Variants in ASIC2 observed in about 807,000 individuals in gnomAD.
ASIC2 encodes acid sensing ion channel subunit 2.
Under a neutral mutation model 57.3 loss-of-function variants are expected in ASIC2, and 25 were observed. The observed-to-expected ratio is 0.44, with a 90% confidence interval of 0.32 to 0.61. The LOEUF is 0.61. Ranked by LOEUF, ASIC2 falls within the 20% of genes least tolerant of loss-of-function variation. The pLI, the probability that ASIC2 is intolerant of heterozygous loss-of-function variation, is 0.06. For synonymous variants in ASIC2, 319 were observed against 307.5 expected (o/e 1.04, Z -0.39); for missense variants, 641 against 738.1 (o/e 0.87, Z 1.52).
At chr17:34,026,526 C>A (rs1173740547) in intron 1 of ASIC2, among the ~76,000 whole-genome samples, 1 of 152,142 alleles carries the variant, frequency 6.6e-6, no homozygotes, top group Admixed American at 6.5e-5. Context: ...AAAAGGTTTC[C>A]AAAAACAATC....
chr17:33,824,252 G>A (rs1264740221), intron 1 of ASIC2, among the ~76,000 whole-genome samples: 1 of 152,128 alleles, frequency 6.6e-6, no homozygotes, highest in Admixed American at 6.5e-5. Flanking sequence ...TATTAAGATA[G>A]GTAACTCCGT....
At chr17:33,244,345 G>A (rs1007165198) in intron 1 of ASIC2, among the ~76,000 whole-genome samples, 1 of 149,394 alleles carries the variant, frequency 6.7e-6, no homozygotes, top group Non-Finnish European at 1.5e-5. Context: ...CAACCGGACT[G>A]GAAAATGAGG....
intron 1 of ASIC2, among the ~76,000 whole-genome samples, chr17:33,268,029 A>G (rs1309989138): frequency 6.6e-6 from 1 of 152,200 alleles, no homozygotes; most frequent in Non-Finnish European, 1.5e-5. Context: ...CATGTGACCC[A>G]AGATATATCG....
chr17:33,511,873 G>A (rs537458621), intron 1 of ASIC2, among the ~76,000 whole-genome samples: 1 of 152,268 alleles, frequency 6.6e-6, no homozygotes, highest in African/African-American at 2.4e-5. Context: ...CACTTGCCAC[G>A]AAACCCACAG....
intron 1 of ASIC2, among the ~76,000 whole-genome samples, chr17:33,876,431 T>C (rs1224535207): frequency 6.6e-6 from 1 of 152,200 alleles, no homozygotes; most frequent in Non-Finnish European, 1.5e-5. Flanking sequence ...TATCTACGAT[T>C]GAGCAAATGT....
In ASIC2 at chr17:33,255,309, G is replaced by A. The variant is rs148150384; in HGVS notation, c.708+36099C>T. Among the ~76,000 whole-genome samples, 40 of 151,986 alleles carry A rather than the reference G, an allele frequency of 2.6e-4. 1 individual carries two copies. The South Asian group carries it at 5.6e-3, about 21-fold the overall frequency. ...CTCACCTCGGCCTCCCAAAGTGCTG[G>A]GATTATAGGTGTGAGCCACCATGCC... On this transcript the variant is annotated intron_variant, in intron 1 of 9. Transcript: ENST00000225823.
intron 1 of ASIC2, among the ~76,000 whole-genome samples, chr17:33,429,523 T>C (rs1352538316): frequency 1.3e-5 from 2 of 152,066 alleles, no homozygotes; most frequent in Non-Finnish European, 2.9e-5. Context: ...CCCGAGTAGC[T>C]GGGACTACAG....
intron 1 of ASIC2, among the ~76,000 whole-genome samples, chr17:33,943,331 T>C (rs1237783520): frequency 1.3e-5 from 2 of 152,190 alleles, no homozygotes; most frequent in Non-Finnish European, 2.9e-5. Flanking sequence ...CCGCACTTCA[T>C]CTTTGAAAAC....
chr17:34,085,214 T>C (rs1235521237), intron 1 of ASIC2, among the ~76,000 whole-genome samples: 1 of 152,192 alleles, frequency 6.6e-6, no homozygotes, highest in Non-Finnish European at 1.5e-5. Flanking sequence ...ATATGTCCCA[T>C]CAATACCTAA....
intron 1 of ASIC2, among the ~76,000 whole-genome samples, chr17:33,773,501 CT>C (rs1186970068): frequency 6.6e-6 from 1 of 152,056 alleles, no homozygotes; most frequent in Non-Finnish European, 1.5e-5. Context: ...ACCAATCTCT[CT>C]TTTCATTATC....
chr17:34,105,106 C>A (rs1165994833), intron 1 of ASIC2, among the ~76,000 whole-genome samples: 1 of 151,948 alleles, frequency 6.6e-6, no homozygotes, highest in Non-Finnish European at 1.5e-5. Context: ...TTTAAAAATT[C>A]AATTTTTTTC....
rs1180610374 is a variant in ASIC2 at position 33,042,933 on chromosome 17, GT to G, written c.988-14542del. 8.2e-3 allele frequency among the ~76,000 whole-genome samples: 1,188 copies of G among 145,288 alleles called. 13 individuals are homozygous for G. The highest frequency in any genetic ancestry group is 0.027 in the African/African-American group (1,084 of 39,928). The stretch of plus-strand genomic sequence containing the variant: ...GCCGATTAAACATTATCCCTGTTTT[GT>G]TTTTTTTTTTTGAGACGGAGTCTCT... On this transcript the variant is annotated intron_variant, in intron 3 of 9. Transcript: ENST00000225823.
At chr17:33,175,780 G>A (rs1287011579) in intron 1 of ASIC2, among the ~76,000 whole-genome samples, 1 of 152,090 alleles carries the variant, frequency 6.6e-6, no homozygotes, top group Non-Finnish European at 1.5e-5. Flanking sequence ...TTCCCCGGGA[G>A]GCTCCACTTG....
At chr17:33,030,493 T>C (rs1321208098) in intron 3 of ASIC2, among the ~76,000 whole-genome samples, 1 of 152,110 alleles carries the variant, frequency 6.6e-6, no homozygotes, top group Non-Finnish European at 1.5e-5. Context: ...TCCTTTCTAG[T>C]CTTTATTATT....
Position 33,866,437 on chromosome 17 carries a change from TA to T in ASIC2, c.555+289540del, listed in dbSNP as rs1297820003. Among the ~76,000 whole-genome samples, 3 of 152,202 alleles carry T rather than the reference TA, an allele frequency of 2.0e-5. No homozygotes were observed. The East Asian group carries it at 5.8e-4, about 29-fold the overall frequency. ...TTTTGATTGTTTTCAACCCCCCACA[TA>T]TTTTTTTTTGAAAAAACAATGCTTC... is the stretch of plus-strand genomic sequence containing the variant. On this transcript the variant is annotated intron_variant, in intron 1 of 9. Transcript: ENST00000359872.
chr17:33,407,284 T>A (rs538367431), intron 1 of ASIC2, among the ~76,000 whole-genome samples: 90 of 152,318 alleles, frequency 5.9e-4, no homozygotes, highest in African/African-American at 2.1e-3. Flanking sequence ...TGATCTGGGA[T>A]TTGAACTCAG....
chr17:33,993,388 A>C (rs188277320), intron 1 of ASIC2, among the ~76,000 whole-genome samples: 3 of 152,284 alleles, frequency 2.0e-5, no homozygotes, highest in Admixed American at 2.0e-4. Context: ...CCTACAAGTC[A>C]CTGGTACATG....
intron 1 of ASIC2, among the ~76,000 whole-genome samples, chr17:33,380,169 C>T (rs1447203293): frequency 7.0e-6 from 1 of 142,322 alleles, no homozygotes; most frequent in Non-Finnish European, 1.5e-5. Flanking sequence ...TCGCTTGAAC[C>T]AGGGAGGCAG....
rs143824103 is a variant in ASIC2, at chr17:34,089,771, C to T, written c.555+66207G>A. Among the ~76,000 whole-genome samples the T allele has an allele frequency of 7.2e-4, 110 of 152,266 alleles. 1 individual carries two copies. In the East Asian group the frequency reaches 0.02, roughly 28 times the overall value. On this transcript the variant is annotated intron_variant, in intron 1 of 9. Transcript: ENST00000359872. Reference sequence around the variant, plus strand: ...TTACACCTCTTGAAATCTGCTCTCCCCTTTCTCAGATTCCTTGTGACCTCC... The same window carrying T: ...TTACACCTCTTGAAATCTGCTCTCCTCTTTCTCAGATTCCTTGTGACCTCC...
Sources: allele counts gnomAD v4.1 joint callset (sites outside exome capture counted in the v4.1 genomes callset), GRCh38; gene constraint gnomAD v4.1.1; transcripts MANE v1.5; gene names NCBI Gene and HGNC (gene_info 2026-07-23, HGNC 2026-07-21).